CNKSR2: variants seen among roughly 807,000 people sequenced by gnomAD.
The protein encoded by CNKSR2 is connector enhancer of kinase suppressor of Ras 2, also known as CNK homolog protein 2.
Under a neutral mutation model 84.4 loss-of-function variants are expected in CNKSR2, and 14 were observed. That is an observed-to-expected ratio of 0.17 (90% CI 0.11 to 0.26). The LOEUF (loss-of-function observed/expected upper bound fraction) is 0.26, where lower values mean the gene tolerates loss of function less well. Among genes scored for constraint, CNKSR2 ranks in the 10% least tolerant of loss-of-function variants. The probability of loss-of-function intolerance (pLI) is 1.00; values close to 1 mark genes in which losing one functional copy is unlikely to be tolerated. For missense variants in CNKSR2, 485 were observed against 771.2 expected (o/e 0.63, Z 4.40); for synonymous variants, 275 against 277.9 (o/e 0.99, Z 0.10).
intron 11 of CNKSR2, among the ~76,000 whole-genome samples, chrX:21,550,989 C>G (rs2092084337): frequency 9.3e-6 from 1 of 107,500 alleles, no homozygotes; most frequent in East Asian, 2.9e-4. Flanking sequence ...TGAGCCGAGA[C>G]CGTTGCACTC....
rs190522379 is a variant in CNKSR2 at position 21,431,132 on chromosome X, C to T, written c.229-1480C>T. 5.5e-3 allele frequency among the ~76,000 whole-genome samples: 612 copies of T among 111,427 alleles called. 1 individual carries two copies. Among genetic ancestry groups the T allele is most frequent in the Non-Finnish European group, 9.1e-3 (482 of 52,972 alleles). ...TTAGGCATCAAAACCTTCCTCTCCC[C>T]TCATTTTGTCTCCACTAAGTTTTCT... On this transcript the variant is annotated intron_variant, in intron 2 of 21. Transcript: ENST00000379510.
intron 5 of CNKSR2, among the ~76,000 whole-genome samples, chrX:21,484,938 C>G (rs776880036): frequency 9.0e-6 from 1 of 111,661 alleles, no homozygotes; most frequent in South Asian, 3.8e-4. Context: ...AATCTTAGCA[C>G]TTTGGGAGGC....
intron 13 of CNKSR2, among the ~76,000 whole-genome samples, chrX:21,580,126 TTA>T (rs2092344988): frequency 8.9e-6 from 1 of 112,099 alleles, no homozygotes; most frequent in Non-Finnish European, 1.9e-5. Flanking sequence ...TTTCCTTTTT[TTA>T]GTCTTAAAAT....
chrX:21,647,358 A>T (rs1470279809), intron 20 of CNKSR2, among the ~76,000 whole-genome samples: 6 of 111,914 alleles, frequency 5.4e-5, no homozygotes, highest in Non-Finnish European at 1.1e-4. Context: ...CCTAAAAATG[A>T]CCTTTTTAGG....
At chrX:21,377,624 A>C (rs943452117) in intron 1 of CNKSR2, among the ~76,000 whole-genome samples, 4 of 111,851 alleles carry the variant, frequency 3.6e-5, no homozygotes, top group African/African-American at 1.3e-4. Context: ...AGCTGGTCAC[A>C]ATCATAAATA....
chrX:21,379,186 T>C (rs2089862738), intron 1 of CNKSR2, among the ~76,000 whole-genome samples: 2 of 113,105 alleles, frequency 1.8e-5, no homozygotes, highest in Non-Finnish European at 3.7e-5. Flanking sequence ...CAAAGATGTT[T>C]TGACAGGTAC....
At chrX:21,487,802 T>A (rs1340624856) in intron 5 of CNKSR2, among the ~76,000 whole-genome samples, 1 of 112,469 alleles carries the variant, frequency 8.9e-6, no homozygotes, top group Non-Finnish European at 1.9e-5. Flanking sequence ...TTAAGACAAA[T>A]TTTTAAAAAT....
chrX:21,519,556 C>CT (rs2091761708), intron 9 of CNKSR2, among the ~76,000 whole-genome samples: 1 of 110,920 alleles, frequency 9.0e-6, no homozygotes, highest in African/African-American at 3.3e-5. Flanking sequence ...CAGAAATACA[C>CT]TGGAGCCAAA....
In CNKSR2 at chrX:21,440,743, A is replaced by G. The variant is rs768848394; in HGVS notation, c.481A>G (p.Ile161Val). The change falls in exon 4 of 22, where the codon ATA becomes GTA. Residue 161 changes from isoleucine (I) to valine (V), a missense_variant. Coordinates refer to ENST00000379510, the MANE Select transcript of CNKSR2 (RefSeq NM_014927.5). ...TDYSVTRNNVIQLCLELTTIV... is the reference protein window; with the variant it reads ...TDYSVTRNNVVQLCLELTTIV... The stretch of plus-strand genomic sequence containing the variant: ...CTATTCAGTTACAAGAAATAATGTC[A>G]TACAACTCTGCCTGGAGTTAACAAC... 1.7e-6 allele frequency: 2 copies of G among 1,196,752 alleles called. No individual in the cohort carries two copies. The highest frequency in any genetic ancestry group is 1.8e-5 in the South Asian group (1 of 55,622).
At chrX:21,425,452 A>C (rs1346210339) in intron 1 of CNKSR2, 4 of 111,387 alleles carry the variant, frequency 3.6e-5, no homozygotes, top group Non-Finnish European at 7.6e-5. Flanking sequence ...TTTAGGACTG[A>C]CTCATTTTCT....
intron 1 of CNKSR2, chrX:21,424,861 AT>A (rs1293264474): frequency 1.8e-5 from 2 of 111,833 alleles, no homozygotes; most frequent in Non-Finnish European, 3.8e-5. Context: ...TTCAGCACAT[AT>A]TTGTAATAGT....
intron 4 of CNKSR2, among the ~76,000 whole-genome samples, chrX:21,455,630 G>T (rs1158047790): frequency 9.0e-6 from 1 of 111,601 alleles, no homozygotes; most frequent in African/African-American, 3.2e-5. Context: ...AAATCATATT[G>T]CCACCAGAGA....
chrX:21,443,116 A>T (rs1009120497), intron 4 of CNKSR2, among the ~76,000 whole-genome samples: 1 of 110,920 alleles, frequency 9.0e-6, no homozygotes, highest in Non-Finnish European at 1.9e-5. Context: ...CTTATATAAC[A>T]AACCTGCACA....
intron 5 of CNKSR2, among the ~76,000 whole-genome samples, chrX:21,476,736 A>G (rs187368684): frequency 3.9e-4 from 44 of 111,941 alleles, no homozygotes; most frequent in African/African-American, 1.4e-3. Context: ...AATAGAATAC[A>G]ACCATAAAGG....
At chrX:21,394,313 A>G (rs1214770177) in intron 1 of CNKSR2, among the ~76,000 whole-genome samples, 1 of 111,647 alleles carries the variant, frequency 9.0e-6, no homozygotes, top group East Asian at 2.8e-4. Context: ...GCCTTATGAT[A>G]TGGCATGAAA....
In CNKSR2 at chrX:21,609,544, C is replaced by T; in HGVS notation, c.2619C>T (p.Pro873=). 3.3e-6 allele frequency: 4 copies of T among 1,210,100 alleles called. No individual in the cohort carries two copies. In the Middle Eastern group the frequency reaches 9.2e-4, roughly 279 times the overall value. ...GTGACCCACAGGATGACGTGCAACC[C>T]CCAGAGGTGGAGGAAGAGGAGGAGG... ...SACDPQDDVQ[P]PEVEEEEEEE... Residue 873 remains proline (P), a synonymous_variant, in exon 20 of 22, where the codon CCC becomes CCT. Transcript: ENST00000379510.
chrX:21,569,210 G>GTTATTA (rs751091035), intron 13 of CNKSR2, among the ~76,000 whole-genome samples: 13 of 110,280 alleles, frequency 1.2e-4, no homozygotes, highest in African/African-American at 4.0e-4. Context: ...CCTTCAGCAA[G>GTTATTA]TTATTATTAT....
intron 1 of CNKSR2, among the ~76,000 whole-genome samples, chrX:21,379,926 A>G (rs2089872824): frequency 1.8e-5 from 2 of 111,780 alleles, no homozygotes; most frequent in Admixed American, 9.5e-5. Context: ...TAATTAAGGC[A>G]TAATCTAAGA....
chrX:21,427,872 G>A (rs2090586170), intron 2 of CNKSR2: 1 of 112,032 alleles, frequency 8.9e-6, no homozygotes, highest in Admixed American at 9.5e-5. Context: ...TTCAGGAAGT[G>A]TAGGTAAGAT....
Sources: allele counts gnomAD v4.1 joint callset (sites outside exome capture counted in the v4.1 genomes callset), GRCh38; gene constraint gnomAD v4.1.1; transcripts MANE v1.5; gene names NCBI Gene and HGNC (gene_info 2026-07-23, HGNC 2026-07-21).